Variants in KDM4D observed in about 807,000 individuals in gnomAD.
The protein encoded by KDM4D is lysine demethylase 4D, also known as lysine-specific demethylase 4D.
For missense variants in KDM4D, 427 were observed against 674.8 expected (o/e 0.63, Z 4.07); for synonymous variants, 254 against 249.1 (o/e 1.02, Z -0.19).
In KDM4D at chr11:94,974,283, T is replaced by C. The variant is rs587639242; in HGVS notation, c.-445+215T>C. On this transcript the variant is annotated intron_variant, in intron 1 of 2. Transcript: ENST00000335080. Reference sequence around the variant, plus strand: ...TAAGTTTTAATAAGACAACGAAAAGTAGAAAACCCGAAAACCAAAAACCTA... The same window carrying C: ...TAAGTTTTAATAAGACAACGAAAAGCAGAAAACCCGAAAACCAAAAACCTA... Among the ~76,000 whole-genome samples the C allele has an allele frequency of 3.9e-4, 59 of 152,234 alleles. No individual in the cohort carries two copies. In the South Asian group the frequency reaches 0.012, roughly 30 times the overall value.
chr11:94,987,529 AAAGGAAATGAAT>A (rs1325573612), intron 2 of KDM4D, among the ~76,000 whole-genome samples: 2 of 152,318 alleles, frequency 1.3e-5, no homozygotes, highest in East Asian at 3.9e-4. Context: ...CCCCATCTTC[AAAGGAAATGAAT>A]AGGTTCCTGT....
chr11:94,982,503 G>A (rs1857849517), intron 2 of KDM4D, among the ~76,000 whole-genome samples: 1 of 147,778 alleles, frequency 6.8e-6, no homozygotes, highest in African/African-American at 2.5e-5. Flanking sequence ...TCAGCATTTT[G>A]CTAGAGATCA....
intron 2 of KDM4D, among the ~76,000 whole-genome samples, chr11:94,989,362 T>C (rs1416443542): frequency 2.6e-5 from 4 of 152,212 alleles, no homozygotes; most frequent in African/African-American, 9.7e-5. Flanking sequence ...GGTGTGTCCT[T>C]GTAGATGGAT....
In KDM4D at chr11:94,975,191, C is replaced by T. The variant is rs1385458754; in HGVS notation, c.-444-463C>T. Among the ~76,000 whole-genome samples, 3 of 152,206 alleles carry T rather than the reference C, an allele frequency of 2.0e-5. No homozygotes were observed. The East Asian group carries it at 5.8e-4, about 29-fold the overall frequency. ...CCAAAGTAACTGTATCACCATCCTTCATGTCTCAGGTATCACAGTGAGGTT... is the reference window on the plus strand; with the variant it reads ...CCAAAGTAACTGTATCACCATCCTTTATGTCTCAGGTATCACAGTGAGGTT... On this transcript the variant is annotated intron_variant, in intron 1 of 2. Transcript: ENST00000335080.
At chr11:94,976,425 AG>A (rs1857797667) in intron 2 of KDM4D, among the ~76,000 whole-genome samples, 1 of 152,086 alleles carries the variant, frequency 6.6e-6, no homozygotes, top group Non-Finnish European at 1.5e-5. Context: ...TTTTTTCCGC[AG>A]ATCTATCGAG....
At chr11:94,989,587 T>G (rs1330494499) in intron 2 of KDM4D, among the ~76,000 whole-genome samples, 1 of 152,214 alleles carries the variant, frequency 6.6e-6, no homozygotes, top group Non-Finnish European at 1.5e-5. Context: ...TGTCACAGTT[T>G]ATGCTGTCCA....
chr11:94,995,265 C>T (rs930570581), intron 2 of KDM4D, among the ~76,000 whole-genome samples: 2 of 152,118 alleles, frequency 1.3e-5, no homozygotes, highest in South Asian at 4.1e-4. Flanking sequence ...TTTCTTCCTT[C>T]ATAAAATTGG....
At chr11:94,993,895 T>A (rs1187407342) in intron 2 of KDM4D, among the ~76,000 whole-genome samples, 4 of 152,080 alleles carry the variant, frequency 2.6e-5, no homozygotes, top group Admixed American at 2.0e-4. Context: ...TTATTTTATA[T>A]TCCAAAAATA....
chr11:94,983,037 C>T (rs1555097742), intron 2 of KDM4D, among the ~76,000 whole-genome samples: 1 of 151,820 alleles, frequency 6.6e-6, no homozygotes, highest in Non-Finnish European at 1.5e-5. Context: ...TATAAATATA[C>T]CCAAGATAAT....
chr11:94,983,410 A>G (rs1555097789), intron 2 of KDM4D, among the ~76,000 whole-genome samples: 1 of 152,166 alleles, frequency 6.6e-6, no homozygotes, highest in East Asian at 1.9e-4. Context: ...TGGATTACTT[A>G]AATAGTACAC....
chr11:94,982,310 A>G (rs1011197367), intron 2 of KDM4D, among the ~76,000 whole-genome samples: 3 of 151,804 alleles, frequency 2.0e-5, no homozygotes, highest in African/African-American at 7.2e-5. Context: ...TTATATGACT[A>G]TTGCTTTTTA....
In KDM4D at chr11:94,998,685, G is replaced by C. The variant is rs781785287; in HGVS notation, c.1313G>C (p.Gly438Ala). 2 of 1,614,136 alleles carry C rather than the reference G, an allele frequency of 1.2e-6. No individual in the cohort carries two copies. The highest frequency in any genetic ancestry group is 1.7e-6 in the Non-Finnish European group (2 of 1,180,024). ...KPSSTPSSTP[G>A]PSAQIIHPSN... is the part of the protein sequence containing the mutation. The stretch of plus-strand genomic sequence containing the variant: ...AGCTCAACTCCATCATCCACCCCTG[G>C]TCCATCTGCACAGATTATCCACCCG... Residue 438 changes from glycine to alanine, a missense_variant, in exon 3 of 3, where the codon GGT becomes GCT. Gly to Ala is a moderately conservative substitution (Grantham distance 60, BLOSUM62 0). Coordinates refer to ENST00000335080, the MANE Select transcript of KDM4D (RefSeq NM_018039.3). This position sits in a 1 kb window ranked among gnomAD's most constrained non-coding sequence, Gnocchi z 6.7.
rs1194892240 is a variant in KDM4D, at chr11:94,997,845, G to C, written c.473G>C (p.Gly158Ala). ...NTKQWNLGHL[G>A]TIQDLLEKEC... ...AAACAATGGAATCTTGGGCACCTGGGAACAATTCAGGACCTGCTGGAAAAG... is the reference window on the plus strand; with the variant it reads ...AAACAATGGAATCTTGGGCACCTGGCAACAATTCAGGACCTGCTGGAAAAG... The change falls in exon 3 of 3, where the codon GGA (glycine) becomes GCA (alanine). Residue 158 changes from glycine (G) to alanine (A), a missense_variant. Coordinates refer to ENST00000335080, the MANE Select transcript of KDM4D (RefSeq NM_018039.3). 6.2e-7 allele frequency: 1 copy of C among 1,614,228 alleles called. No individual in the cohort carries two copies. Among genetic ancestry groups the C allele is most frequent in the Non-Finnish European group, 8.5e-7 (1 of 1,180,034 alleles).
chr11:94,978,761 T>G (rs904719880), intron 2 of KDM4D, among the ~76,000 whole-genome samples: 2 of 152,240 alleles, frequency 1.3e-5, no homozygotes, highest in African/African-American at 2.4e-5. Flanking sequence ...AAATTCTAAT[T>G]TAAAAACCTT....
At chr11:94,990,058 C>A (rs1462278651) in intron 2 of KDM4D, among the ~76,000 whole-genome samples, 2 of 152,176 alleles carry the variant, frequency 1.3e-5, no homozygotes, top group Non-Finnish European at 2.9e-5. Context: ...CATGCCCAGC[C>A]TTACCTTCCT....
chr11:94,977,342 G>A (rs751671072), intron 2 of KDM4D, among the ~76,000 whole-genome samples: 32 of 152,168 alleles, frequency 2.1e-4, no homozygotes, highest in Non-Finnish European at 4.0e-4. Context: ...AAGCCAAGGT[G>A]TTCACAATGG....
At chr11:94,985,288 A>G (rs1857875815) in intron 2 of KDM4D, among the ~76,000 whole-genome samples, 1 of 152,220 alleles carries the variant, frequency 6.6e-6, no homozygotes, top group African/African-American at 2.4e-5. Flanking sequence ...ATATACATAA[A>G]TTGATTTCTG....
chr11:94,997,341 T>C lies in KDM4D; in HGVS notation c.-32T>C, dbSNP rs1555099307. 6.5e-7 allele frequency: 1 copy of C among 1,537,780 alleles called. No individual in the cohort carries two copies. The highest frequency in any genetic ancestry group is 8.7e-7 in the Non-Finnish European group (1 of 1,144,186). On this transcript the variant is annotated 5_prime_UTR_variant, in exon 3 of 3. Transcript: ENST00000335080. ...CCTACATTGTCAACTATCTAGAACA[T>C]ACCTAAAAACTAAGAGTTTACTGCT...
chr11:94,977,297 C>T (rs12808456), intron 2 of KDM4D, among the ~76,000 whole-genome samples: 5,435 of 152,188 alleles, frequency 0.036, 138 homozygotes, highest in Non-Finnish European at 0.052. Context: ...AGTCAGACAG[C>T]GGGGGGCATT....
Sources: allele counts gnomAD v4.1 joint callset (sites outside exome capture counted in the v4.1 genomes callset), GRCh38; gene constraint gnomAD v4.1.1; non-coding constraint Gnocchi (gnomAD v3.1); transcripts MANE v1.5; gene names NCBI Gene and HGNC (gene_info 2026-07-23, HGNC 2026-07-21).